The following MGAM variants were observed in gnomAD, a reference collection of about 807,000 sequenced individuals.
MGAM encodes alpha-1,4-glucosidase.
MGAM carries 253 observed loss-of-function variants against 358.8 expected under a neutral mutation model. The observed-to-expected ratio is 0.71, with a 90% confidence interval of 0.64 to 0.78. MGAM has a LOEUF of 0.78. MGAM is among the 30% of genes least tolerant of loss of function. The pLI, the probability that MGAM is intolerant of heterozygous loss-of-function variation, is 0.00. For missense variants in MGAM, 3,080 were observed against 3,432.6 expected, an observed-to-expected ratio of 0.90 and a Z score of 2.57; for synonymous variants, 1,105 against 1,227.1, an observed-to-expected ratio of 0.90 and a Z score of 2.08.
chr7:142,023,363 C>T (rs1212432808), intron 7 of MGAM, among the ~76,000 whole-genome samples: 11 of 151,954 alleles, frequency 7.2e-5, no homozygotes, highest in African/African-American at 2.7e-4. Flanking sequence ...CTGTGCCCAG[C>T]TGGGCTTTCT....
chr7:142,022,497 A>C, intron 7 of MGAM, 58 bp downstream of exon 7: 3 of 1,538,628 alleles, frequency 1.9e-6, no homozygotes, highest in Non-Finnish European at 2.7e-6. Context: ...CTTAAAGGTC[A>C]CCTCTAGTAT....
At chr7:142,024,789 C>A (rs1806799435) in intron 7 of MGAM, among the ~76,000 whole-genome samples, 2 of 152,182 alleles carry the variant, frequency 1.3e-5, no homozygotes. Context: ...AAATTCCTAT[C>A]CTCTTACCTT....
chr7:142,039,393 G>A (rs1022231357), intron 19 of MGAM, among the ~76,000 whole-genome samples: 3 of 152,006 alleles, frequency 2.0e-5, no homozygotes, highest in Admixed American at 1.3e-4. Flanking sequence ...GAGTCACCGC[G>A]CTTGGCCGCC....
intron 25 of MGAM, 26 bp downstream of exon 25, chr7:142,052,472 G>T (rs908078511): frequency 7.4e-6 from 12 of 1,611,324 alleles, no homozygotes; most frequent in African/African-American, 1.3e-5. Flanking sequence ...GGGTTTGTGT[G>T]CATGAGAATC....
Position 142,040,861 on chromosome 7 carries a change from G to C in MGAM, c.2498+15G>C. 3 of 1,588,236 alleles carry C rather than the reference G, an allele frequency of 1.9e-6. No homozygotes were observed. The highest frequency in any genetic ancestry group is 2.6e-6 in the Non-Finnish European group (3 of 1,170,584). On this transcript the variant is annotated intron_variant, in intron 21 of 70. Coordinates refer to ENST00000475668, the MANE Select transcript of MGAM (RefSeq NM_001365693.1). The stretch of plus-strand genomic sequence containing the variant: ...ACTCTGGCCAGGTATAGCATGGCTG[G>C]AGTGTCCTTTCAGAATTCATGTCCT...
At chr7:142,008,758 TA>T (rs1280193319) in intron 3 of MGAM, 53 bp downstream of exon 3, 13 of 1,565,368 alleles carry the variant, frequency 8.3e-6, no homozygotes, top group Non-Finnish European at 7.8e-6. Context: ...CTTGATAGTT[TA>T]TTTTTTTTTG....
chr7:142,045,568 A>AAC (rs1554472932), intron 21 of MGAM, among the ~76,000 whole-genome samples: 5 of 80,194 alleles, frequency 6.2e-5, no homozygotes, highest in Admixed American at 1.8e-4. Context: ...ATGAATATAT[A>AAC]ATATATATTA....
At chr7:142,016,778 A>G (rs1369228596) in intron 3 of MGAM, among the ~76,000 whole-genome samples, 3 of 152,122 alleles carry the variant, frequency 2.0e-5, no homozygotes, top group Non-Finnish European at 4.4e-5. Flanking sequence ...TTTTTAGTAG[A>G]GACGGGGTTT....
At chr7:142,087,138 G>A (rs1389538378) in intron 57 of MGAM, among the ~76,000 whole-genome samples, 1 of 144,080 alleles carries the variant, frequency 6.9e-6, no homozygotes, top group African/African-American at 2.5e-5. Flanking sequence ...CTCAAAGACT[G>A]TTTAGGTCTT....
intron 25 of MGAM, 68 bp from the exon 26 acceptor site, chr7:142,052,716 C>T (rs1811118063): frequency 6.4e-7 from 1 of 1,569,890 alleles, no homozygotes; most frequent in Non-Finnish European, 8.7e-7. Context: ...CTTTACTAAC[C>T]CTGTTTAGGT....
intron 13 of MGAM, 36 bp from the exon 14 acceptor site, chr7:142,032,789 A>G: frequency 7.6e-7 from 1 of 1,315,330 alleles, no homozygotes; most frequent in Non-Finnish European, 1.1e-6. Flanking sequence ...ATAACATGTT[A>G]CTTTTTCTTA....
At chr7:141,995,493 C>A (rs1372892541), upstream of MGAM, among the ~76,000 whole-genome samples, 1 of 152,188 alleles carries the variant, frequency 6.6e-6, no homozygotes, top group Admixed American at 6.5e-5. Context: ...TGCTACTAAA[C>A]GTCAGTGAGT....
Position 142,040,149 on chromosome 7 carries a change from C to T in MGAM, c.2351C>T (p.Ala784Val), listed in dbSNP as rs1267900787. Reference sequence around the variant, plus strand: ...AAAGTGATGGCATATGTGCCTGATGCTGTCTGGTATGACTACGAGACTGTA... The same window carrying T: ...AAAGTGATGGCATATGTGCCTGATGTTGTCTGGTATGACTACGAGACTGTA... ...AEKVMAYVPD[A>V]VWYDYETGSQ... Residue 784 changes from alanine (A) to valine (V), a missense_variant, in exon 20 of 71, where the codon GCT becomes GTT. Ala to Val is a moderately conservative substitution (Grantham distance 64, BLOSUM62 0). Coordinates refer to ENST00000475668, the MANE Select transcript of MGAM (RefSeq NM_001365693.1). The T allele has an allele frequency of 6.2e-7, 1 of 1,612,454 alleles. No homozygotes were observed. Among genetic ancestry groups the T allele is most frequent in the Admixed American group, 1.7e-5 (1 of 59,896 alleles).
chr7:142,083,110 G>T (rs1814465627), intron 52 of MGAM, among the ~76,000 whole-genome samples, 191 bp from the exon 53 acceptor site: 1 of 146,128 alleles, frequency 6.8e-6, no homozygotes, highest in Non-Finnish European at 1.5e-5. Context: ...TACACCAAAG[G>T]AAGCAAACCC....
chr7:142,099,197 A>G (rs188922491), intron 66 of MGAM, among the ~76,000 whole-genome samples: 2 of 152,320 alleles, frequency 1.3e-5, no homozygotes, highest in East Asian at 3.9e-4. Flanking sequence ...ACATCCGAGG[A>G]TTCTGCTAAA....
chr7:142,042,624 TA>T (rs1809094809), intron 21 of MGAM, among the ~76,000 whole-genome samples: 1 of 33,966 alleles, frequency 2.9e-5, no homozygotes, highest in East Asian at 1.2e-3. Flanking sequence ...ATATTATATA[TA>T]CATATTATAT....
rs1023877733 is a variant in MGAM at position 142,082,833 on chromosome 7, T to G, written c.6268+262T>G. 7.7e-4 allele frequency among the ~76,000 whole-genome samples: 113 copies of G among 146,056 alleles called. 4 individuals are homozygous for G. The highest frequency in any genetic ancestry group is 2.5e-3 in the African/African-American group (101 of 41,186). On this transcript the variant is annotated intron_variant, in intron 52 of 70. Transcript: ENST00000475668. ...ACATGGGTCCCAAATGTCTTGGAGG[T>G]CAGCTCGTGAGAGCCAGTTATAAAA... is the stretch of plus-strand genomic sequence containing the variant.
At position 142,040,133 on chromosome 7, in the gene MGAM, G is replaced by A. The variant is rs778781877; in HGVS notation, c.2335G>A (p.Ala779Thr). Residue 779 changes from alanine to threonine, a missense_variant, in exon 20 of 71, where the codon GCA becomes ACA. Transcript: ENST00000475668. ...VLDEGAEKVM[A>T]YVPDAVWYDY... The stretch of plus-strand genomic sequence containing the variant: ...ATTTCAGGGTGCAGAGAAAGTGATG[G>A]CATATGTGCCTGATGCTGTCTGGTA... 3.1e-6 allele frequency: 5 copies of A among 1,612,458 alleles called. No individual in the cohort carries two copies. The highest frequency in any genetic ancestry group is 4.2e-6 in the Non-Finnish European group (5 of 1,179,022).
chr7:142,013,106 A>G (rs781855887), intron 3 of MGAM, among the ~76,000 whole-genome samples: 1 of 152,018 alleles, frequency 6.6e-6, no homozygotes, highest in Non-Finnish European at 1.5e-5. Flanking sequence ...GCCATTTTAA[A>G]CAACTGCAGA....
Sources: allele counts gnomAD v4.1 joint callset (sites outside exome capture counted in the v4.1 genomes callset), GRCh38; gene constraint gnomAD v4.1.1; transcripts MANE v1.5; gene names NCBI Gene and HGNC (gene_info 2026-07-23, HGNC 2026-07-21).